The following FCER1A variants were observed in gnomAD, a reference collection of about 807,000 sequenced individuals.
FCER1A encodes high affinity immunoglobulin epsilon receptor subunit alpha.
In FCER1A, 24 loss-of-function variants were observed where a neutral mutation model predicts 23.6. The ratio of observed to expected loss-of-function variants is 1.02; its 90% CI spans 0.74 to 1.43. The LOEUF is 1.43. Among genes scored for constraint, FCER1A ranks in the 40% most tolerant of loss-of-function variants. The pLI is 0.00. For missense variants in FCER1A, 318 were observed against 294.5 expected (o/e 1.08, Z -0.58); for synonymous variants, 121 against 108.8 (o/e 1.11, Z -0.70).
At chr1:159,284,610 C>T in the FCER1A span, among the ~76,000 whole-genome samples, 4 of 152,136 alleles carry the variant, frequency 2.6e-5, no homozygotes, top group African/African-American at 9.7e-5. Context: ...AATAATGTAA[C>T]GTAAATGACT....
chr1:159,301,712 C>T (rs1422725001), upstream of FCER1A, among the ~76,000 whole-genome samples: 1 of 152,082 alleles, frequency 6.6e-6, no homozygotes, highest in Non-Finnish European at 1.5e-5. Context: ...CTGGTGAATC[C>T]CAAAAGAATT....
intron 2 of FCER1A, among the ~76,000 whole-genome samples, 180 bp downstream of exon 2, chr1:159,303,054 T>C (rs1393729637): frequency 2.6e-5 from 4 of 152,200 alleles, no homozygotes; most frequent in Non-Finnish European, 5.9e-5. Context: ...CATTGCATTC[T>C]CTCAAGTCAT....
intron 4 of FCER1A, among the ~76,000 whole-genome samples, chr1:159,306,827 G>A (rs1373272027): frequency 2.6e-5 from 4 of 152,130 alleles, no homozygotes; most frequent in African/African-American, 9.7e-5. Context: ...ATAAGAGAGG[G>A]AGCCTGTGAA....
At chr1:159,300,931 C>T (rs1652414553), upstream of FCER1A, among the ~76,000 whole-genome samples, 1 of 152,152 alleles carries the variant, frequency 6.6e-6, no homozygotes, top group Non-Finnish European at 1.5e-5. Context: ...TTCAAAATAA[C>T]TTGCTGTTAC....
At chr1:159,297,501 A>C (rs889716930), upstream of FCER1A, among the ~76,000 whole-genome samples, 3 of 152,114 alleles carry the variant, frequency 2.0e-5, no homozygotes, top group African/African-American at 7.2e-5. Flanking sequence ...TGTTCTAACC[A>C]CCTCACCACA....
upstream of FCER1A, among the ~76,000 whole-genome samples, chr1:159,289,314 C>T (rs1418813939): frequency 6.6e-6 from 1 of 152,178 alleles, no homozygotes; most frequent in Non-Finnish European, 1.5e-5. Flanking sequence ...CTTTAGAAGC[C>T]ACCTTAGGAC....
intron 1 of FCER1A, among the ~76,000 whole-genome samples, chr1:159,292,519 A>G (rs569361507): frequency 2.0e-5 from 3 of 152,164 alleles, no homozygotes; most frequent in Non-Finnish European, 4.4e-5. Flanking sequence ...TTCTTTATCT[A>G]TACTACCACT....
intron 1 of FCER1A, among the ~76,000 whole-genome samples, chr1:159,296,276 T>C (rs2427825): frequency 0.79 from 119,764 of 152,038 alleles, 47,937 homozygotes; most frequent in African/African-American, 0.93. Flanking sequence ...CCTCTGCTAC[T>C]TACACACACA....
intron 1 of FCER1A, among the ~76,000 whole-genome samples, chr1:159,293,635 T>C (rs1421525957): frequency 6.9e-6 from 1 of 144,558 alleles, no homozygotes; most frequent in Non-Finnish European, 1.5e-5. Flanking sequence ...TGAGTGAGAA[T>C]ATGCGGTGTT....
chr1:159,303,787 C>T, intron 2 of FCER1A, 141 bp from the exon 3 acceptor site: 1 of 655,830 alleles, frequency 1.5e-6, no homozygotes, highest in South Asian at 2.0e-5. Flanking sequence ...GAAATCAAAA[C>T]AGGGTCTTAT....
chr1:159,298,785 T>C (rs938577369), upstream of FCER1A, among the ~76,000 whole-genome samples: 2 of 152,226 alleles, frequency 1.3e-5, no homozygotes, highest in East Asian at 3.9e-4. Context: ...TGAGTTGAGA[T>C]GTCATGGCCT....
chr1:159,301,702 C>G (rs900394533), upstream of FCER1A, among the ~76,000 whole-genome samples: 1 of 152,194 alleles, frequency 6.6e-6, no homozygotes, highest in Non-Finnish European at 1.5e-5. Context: ...GTTGGTAGCT[C>G]TGGTGAATCC....
At chr1:159,296,219 G>A (rs913589326) in intron 1 of FCER1A, among the ~76,000 whole-genome samples, 1 of 151,944 alleles carries the variant, frequency 6.6e-6, no homozygotes, top group African/African-American at 2.4e-5. Flanking sequence ...ATTTTTTAAG[G>A]AAGCCCCCTT....
At chr1:159,284,355 G>C in the FCER1A span, among the ~76,000 whole-genome samples, 1 of 152,198 alleles carries the variant, frequency 6.6e-6, no homozygotes, top group Non-Finnish European at 1.5e-5. Context: ...TCCTGCTGGA[G>C]GGGGAATGAA....
At chr1:159,287,552 T>A (rs1313254098), upstream of FCER1A, among the ~76,000 whole-genome samples, 2 of 151,976 alleles carry the variant, frequency 1.3e-5, no homozygotes, top group Non-Finnish European at 1.5e-5. Context: ...CCACAAAGGA[T>A]GAATAATTGG....
In FCER1A at chr1:159,306,181, C is replaced by A. The variant is rs1373885628; in HGVS notation, c.525C>A (p.Tyr175Ter). 6.2e-7 allele frequency: 1 copy of A among 1,614,016 alleles called. No homozygotes were observed. Among genetic ancestry groups the A allele is most frequent in the African/African-American group, 1.3e-5 (1 of 74,916 alleles). Residue 175 changes from tyrosine (Y) to a stop codon, truncating the protein, a stop_gained, in exon 4 of 5, where the codon TAC (tyrosine) becomes TAA (stop). Transcript: ENST00000693622. LOFTEE classifies it high-confidence loss of function. Reference sequence around the variant, plus strand: ...CAGTTGAAGACAGTGGAACCTACTACTGTACGGGCAAAGTGTGGCAGCTGG... The same window carrying A: ...CAGTTGAAGACAGTGGAACCTACTAATGTACGGGCAAAGTGTGGCAGCTGG... Reference protein sequence around the residue: ...NATVEDSGTYYCTGKVWQLDY... With the variant: ...NATVEDSGTY
At position 159,308,006 on chromosome 1, in the gene FCER1A, C is replaced by A; in HGVS notation, c.*74C>A. 1 of 1,109,704 alleles carries A rather than the reference C, an allele frequency of 9.0e-7. No individual in the cohort carries two copies. The highest frequency in any genetic ancestry group is 1.3e-6 in the Non-Finnish European group (1 of 768,128). The allele number at this position is 1,109,704 out of a possible 1,614,324, so 68.7% of individuals were successfully genotyped here. ...GCAATTGCTACTCAATTGTCAAACA[C>A]AGCTTGCAATATACATAGAAACGTC... On this transcript the variant is annotated 3_prime_UTR_variant, in exon 5 of 5. Coordinates refer to ENST00000693622, the MANE Select transcript of FCER1A (RefSeq NM_001387280.1).
chr1:159,306,453 C>T (rs947098760), intron 4 of FCER1A, among the ~76,000 whole-genome samples: 2 of 152,152 alleles, frequency 1.3e-5, no homozygotes, highest in Non-Finnish European at 2.9e-5. Flanking sequence ...GTAATACCTG[C>T]TTGCACTATG....
At chr1:159,299,918 G>A (rs1029756926), upstream of FCER1A, among the ~76,000 whole-genome samples, 1 of 150,200 alleles carries the variant, frequency 6.7e-6, no homozygotes, top group African/African-American at 2.5e-5. Flanking sequence ...GTAGTTATAT[G>A]CTATGGAAAT....
Sources: allele counts gnomAD v4.1 joint callset (sites outside exome capture counted in the v4.1 genomes callset), GRCh38; gene constraint gnomAD v4.1.1; transcripts MANE v1.5; gene names NCBI Gene and HGNC (gene_info 2026-07-23, HGNC 2026-07-21).